Variants in ZHX2 observed in about 807,000 individuals in gnomAD.
The protein encoded by ZHX2 is zinc fingers and homeoboxes 2.
Under a neutral mutation model 21.9 loss-of-function variants are expected in ZHX2, and 6 were observed. That is an observed-to-expected ratio of 0.27 (90% confidence interval 0.15 to 0.54). The LOEUF is 0.54. Ranked by LOEUF, ZHX2 falls within the 20% of genes least tolerant of loss-of-function variation. The pLI is 0.95. For synonymous variants in ZHX2, 434 were observed against 437.1 expected (o/e 0.99, Z 0.09); for missense variants, 908 against 1,090.7 (o/e 0.83, Z 2.36).
chr8:122,795,268 TG>T (rs928000542), intron 1 of ZHX2, among the ~76,000 whole-genome samples: 5 of 152,344 alleles, frequency 3.3e-5, no homozygotes, highest in African/African-American at 9.6e-5. Flanking sequence ...TGGACTATTT[TG>T]TAACAGGAAG....
At chr8:122,853,573 C>T (rs958587404) in intron 1 of ZHX2, among the ~76,000 whole-genome samples, 1 of 152,174 alleles carries the variant, frequency 6.6e-6, no homozygotes, top group Non-Finnish European at 1.5e-5. Context: ...CTCCACCTTC[C>T]CTCGTCTCAG....
chr8:122,851,322 G>C (rs1204875251), intron 1 of ZHX2, among the ~76,000 whole-genome samples: 3 of 152,164 alleles, frequency 2.0e-5, no homozygotes, highest in Non-Finnish European at 2.9e-5. Context: ...AAAGAGTCAA[G>C]AGTTAATTTT....
intron 2 of ZHX2, among the ~76,000 whole-genome samples, chr8:122,891,719 G>A (rs781381924): frequency 3.9e-5 from 6 of 152,078 alleles, no homozygotes; most frequent in Admixed American, 3.9e-4. Context: ...TAATTTCCAT[G>A]TATTTGTTCA....
chr8:122,806,229 C>A (rs963553287), intron 1 of ZHX2, among the ~76,000 whole-genome samples: 2 of 152,184 alleles, frequency 1.3e-5, no homozygotes, highest in African/African-American at 4.8e-5. Context: ...AGCTTAACTA[C>A]TTCCTAATTG....
chr8:122,955,080 G>GGA (rs986169707), intron 3 of ZHX2, among the ~76,000 whole-genome samples: 1 of 143,646 alleles, frequency 7.0e-6, no homozygotes, highest in African/African-American at 2.6e-5. Flanking sequence ...GGGGGGGGGG[G>GGA]GGTGGCAGGG....
At position 122,834,385 on chromosome 8, in the gene ZHX2, G is replaced by A. The variant is rs146978913; in HGVS notation, c.-282-29092G>A. 8.2e-3 allele frequency among the ~76,000 whole-genome samples: 1,254 copies of A among 152,320 alleles called. 17 individuals carry two copies. Among genetic ancestry groups the A allele is most frequent in the African/African-American group, 0.029 (1,210 of 41,566 alleles). ...TCCAGTGGGGTCCTCCGCAGAGGGG[G>A]CACGGCCTGGTGCGCTTACCTGGGT... On this transcript the variant is annotated intron_variant, in intron 1 of 3. Transcript: ENST00000314393.
intron 2 of ZHX2, among the ~76,000 whole-genome samples, chr8:122,937,521 G>A (rs1388102919): frequency 6.6e-6 from 1 of 151,998 alleles, no homozygotes; most frequent in East Asian, 1.9e-4. Flanking sequence ...CTGCTGCCAA[G>A]TTCTCCTGGT....
intron 2 of ZHX2, among the ~76,000 whole-genome samples, chr8:122,889,210 C>T: frequency 6.6e-6 from 1 of 152,130 alleles, no homozygotes; most frequent in East Asian, 1.9e-4. Context: ...ATCTCTTCAA[C>T]ATACTGATTT....
intron 2 of ZHX2, among the ~76,000 whole-genome samples, chr8:122,937,648 C>T (rs985013711): frequency 2.6e-5 from 4 of 151,630 alleles, no homozygotes; most frequent in South Asian, 2.1e-4. Context: ...GGCGCTGTCT[C>T]GGCTTACTGC....
intron 1 of ZHX2, among the ~76,000 whole-genome samples, chr8:122,820,979 A>G (rs1222159201): frequency 1.3e-5 from 2 of 152,164 alleles, no homozygotes; most frequent in Non-Finnish European, 2.9e-5. Context: ...CCCAGCCCCT[A>G]AAACCTCTGC....
chr8:122,867,859 T>C (rs1819336640), intron 2 of ZHX2, among the ~76,000 whole-genome samples: 1 of 152,216 alleles, frequency 6.6e-6, no homozygotes, highest in Non-Finnish European at 1.5e-5. Context: ...TTGCAATATG[T>C]TCAAGAAATG....
intron 1 of ZHX2, among the ~76,000 whole-genome samples, chr8:122,850,376 G>A (rs1421563917): frequency 1.3e-5 from 2 of 152,098 alleles, no homozygotes; most frequent in East Asian, 3.9e-4. Context: ...AGTGGCTCAT[G>A]CCTGTAATCC....
At chr8:122,892,316 T>C (rs1820002007) in intron 2 of ZHX2, among the ~76,000 whole-genome samples, 1 of 152,224 alleles carries the variant, frequency 6.6e-6, no homozygotes, top group African/African-American at 2.4e-5. Context: ...TGTGCGTCTT[T>C]ACAAAGTAAG....
intron 2 of ZHX2, among the ~76,000 whole-genome samples, chr8:122,908,711 A>G (rs897896626): frequency 6.6e-6 from 1 of 152,180 alleles, no homozygotes; most frequent in African/African-American, 2.4e-5. Flanking sequence ...CTCCACAATT[A>G]ATTTTTCAGC....
intron 2 of ZHX2, among the ~76,000 whole-genome samples, chr8:122,936,094 G>GA (rs1446559644): frequency 6.6e-6 from 1 of 152,052 alleles, no homozygotes; most frequent in East Asian, 1.9e-4. Context: ...TGTCCGAAAA[G>GA]AAAAAAACAA....
At chr8:122,971,147 C>T (rs1320973953) in intron 3 of ZHX2, among the ~76,000 whole-genome samples, 1 of 152,114 alleles carries the variant, frequency 6.6e-6, no homozygotes, top group African/African-American at 2.4e-5. Context: ...TGAGATGAGC[C>T]GTATTACCAC....
chr8:122,914,371 G>A (rs1820549670), intron 2 of ZHX2, among the ~76,000 whole-genome samples: 2 of 152,346 alleles, frequency 1.3e-5, no homozygotes, highest in Admixed American at 6.5e-5. Flanking sequence ...GAAGTGGGGG[G>A]AGAAAGGGGC....
chr8:122,939,661 C>G (rs376445128), intron 2 of ZHX2, among the ~76,000 whole-genome samples: 3 of 152,120 alleles, frequency 2.0e-5, no homozygotes, highest in African/African-American at 7.2e-5. Context: ...CAGCAAGATA[C>G]AGGGCAAAAT....
At position 122,973,946 on chromosome 8, in the gene ZHX2, C is replaced by G. The variant is rs1401851622; in HGVS notation, c.*709C>G. On this transcript the variant is annotated 3_prime_UTR_variant, in exon 4 of 4. Transcript: ENST00000314393. ...TCTGAACTGCCAAGAGGGGATCTGG[C>G]TTCTCAACTGCTCGGCCTCTTGGGC... The G allele has an allele frequency of 6.6e-6, 1 of 152,620 alleles. No individual in the cohort carries two copies. Among genetic ancestry groups the G allele is most frequent in the African/African-American group, 2.4e-5 (1 of 41,438 alleles). 9.5% of individuals were successfully genotyped at this position (152,620 alleles called of 1,614,324 possible). A position where few individuals can be genotyped will look rare whatever the true frequency, so the allele number is the denominator to read the frequency against.
Sources: allele counts gnomAD v4.1 joint callset (sites outside exome capture counted in the v4.1 genomes callset), GRCh38; gene constraint gnomAD v4.1.1; transcripts MANE v1.5; gene names NCBI Gene and HGNC (gene_info 2026-07-23, HGNC 2026-07-21).